ITGA9: variants seen among roughly 807,000 people sequenced by gnomAD.
ITGA9 encodes the protein integrin alpha-9.
In ITGA9, 56 loss-of-function variants were observed where a neutral mutation model predicts 127.8. The observed-to-expected ratio is 0.44, with a 90% CI of 0.35 to 0.55. The LOEUF (loss-of-function observed/expected upper bound fraction) is 0.55. Ranked by LOEUF, ITGA9 falls within the 20% of genes least tolerant of loss-of-function variation. The probability of loss-of-function intolerance (pLI) is 0.00; values close to 1 mark genes in which losing one functional copy is unlikely to be tolerated. For missense variants in ITGA9, 1,196 were observed against 1,347.1 expected, an observed-to-expected ratio of 0.89 and a Z score of 1.76; for synonymous variants, 508 against 514.5, an observed-to-expected ratio of 0.99 and a Z score of 0.17.
At chr3:37,704,823 G>T (rs907880928) in intron 18 of ITGA9, among the ~76,000 whole-genome samples, 2 of 152,214 alleles carry the variant, frequency 1.3e-5, no homozygotes, top group East Asian at 3.8e-4. Context: ...TTCCTAGTGT[G>T]CAGAGTACAA....
intron 15 of ITGA9, among the ~76,000 whole-genome samples, chr3:37,566,750 C>T (rs992200700): frequency 2.6e-5 from 4 of 152,180 alleles, no homozygotes; most frequent in Non-Finnish European, 5.9e-5. Context: ...TTGACTGTCT[C>T]ATGAAATAGT....
In ITGA9 at chr3:37,452,901, T is replaced by C. The variant is rs1559510276; in HGVS notation, c.185+342T>C. 6.6e-6 allele frequency among the ~76,000 whole-genome samples: 1 copy of C among 152,058 alleles called. No individual in the cohort carries two copies. The highest frequency in any genetic ancestry group is 2.1e-4 in the South Asian group (1 of 4,830). ...TCTCTGAATCGAAAAGTAACTTGGC[T>C]CCTCTGCCTCCGGGCGGCCGCCGCT... is the stretch of plus-strand genomic sequence containing the variant. On this transcript the variant is annotated intron_variant, in intron 1 of 27. Coordinates refer to ENST00000264741, the MANE Select transcript of ITGA9 (RefSeq NM_002207.3). This position sits in a 1 kb window ranked among gnomAD's most constrained non-coding sequence, Gnocchi z 7.3.
chr3:37,544,877 A>C (rs1165118345), intron 15 of ITGA9, among the ~76,000 whole-genome samples: 3 of 152,270 alleles, frequency 2.0e-5, no homozygotes, highest in Non-Finnish European at 4.4e-5. Context: ...CTGATACTTT[A>C]TAGCCATACT....
intron 1 of ITGA9, among the ~76,000 whole-genome samples, chr3:37,463,596 C>T (rs1385570874): frequency 1.3e-5 from 2 of 152,180 alleles, no homozygotes; most frequent in African/African-American, 2.4e-5. Context: ...AAACCATGCC[C>T]CTCTGCCACA....
chr3:37,466,660 C>T (rs73826549), intron 1 of ITGA9, among the ~76,000 whole-genome samples: 3,414 of 152,192 alleles, frequency 0.022, 125 homozygotes, highest in African/African-American at 0.077. Context: ...CTTAAACTAT[C>T]AATCACCTGG....
chr3:37,750,540 G>A lies in ITGA9; in HGVS notation c.2512G>A (p.Ala838Thr), dbSNP rs375551889. The A allele has an allele frequency of 4.3e-6, 7 of 1,612,890 alleles. No individual in the cohort carries two copies. The African/African-American group carries it at 9.3e-5, about 22-fold the overall frequency. Residue 838 changes from alanine to threonine, a missense_variant, in exon 23 of 28, where the codon GCA becomes ACA. Ala to Thr is a moderately conservative substitution (Grantham distance 58). Coordinates refer to ENST00000264741, the MANE Select transcript of ITGA9 (RefSeq NM_002207.3). ...CCCTAATCGACTCTCATCTGGTGGT[G>A]CAGAGATGTTTCATGTCCAGGAAAT... ...SFPNRLSSGGAEMFHVQEMVV... is the reference protein window; with the variant it reads ...SFPNRLSSGGTEMFHVQEMVV...
intron 16 of ITGA9, among the ~76,000 whole-genome samples, chr3:37,650,606 A>G (rs1700420507): frequency 6.6e-6 from 1 of 151,760 alleles, no homozygotes; most frequent in African/African-American, 2.4e-5. Flanking sequence ...TAATTTTTGC[A>G]TTTTTAGTAG....
intron 5 of ITGA9, among the ~76,000 whole-genome samples, chr3:37,500,747 C>G (rs1402325258): frequency 6.6e-6 from 1 of 152,220 alleles, no homozygotes; most frequent in African/African-American, 2.4e-5. Context: ...GGGCTCGTCT[C>G]TGCAGAGGGA....
chr3:37,472,479 A>G (rs1306377963), intron 2 of ITGA9, among the ~76,000 whole-genome samples: 1 of 152,076 alleles, frequency 6.6e-6, no homozygotes, highest in African/African-American at 2.4e-5. Context: ...GCTCACTGCA[A>G]CCTCTGCCTC....
At chr3:37,595,504 C>T (rs1020840018) in intron 15 of ITGA9, among the ~76,000 whole-genome samples, 21 of 152,288 alleles carry the variant, frequency 1.4e-4, no homozygotes, top group Non-Finnish European at 2.5e-4. Flanking sequence ...CAGAAAATGC[C>T]GGAACAGCAT....
At chr3:37,461,947 A>T (rs866606803) in intron 1 of ITGA9, among the ~76,000 whole-genome samples, 1 of 152,194 alleles carries the variant, frequency 6.6e-6, no homozygotes, top group Non-Finnish European at 1.5e-5. Flanking sequence ...CAGTTCCAGG[A>T]TGGGATACTT....
At chr3:37,741,283 C>G (rs2095215205) in intron 20 of ITGA9, among the ~76,000 whole-genome samples, 1 of 151,188 alleles carries the variant, frequency 6.6e-6, no homozygotes, top group African/African-American at 2.4e-5. Context: ...CCACCCCACC[C>G]CCACCCCCAG....
chr3:37,641,305 C>T (rs1402548936), intron 16 of ITGA9, among the ~76,000 whole-genome samples: 1 of 152,154 alleles, frequency 6.6e-6, no homozygotes, highest in Non-Finnish European at 1.5e-5. Flanking sequence ...GCCCCCTCCA[C>T]CGCCCGTTCA....
intron 15 of ITGA9, among the ~76,000 whole-genome samples, chr3:37,604,584 C>T (rs954815471): frequency 1.3e-5 from 2 of 152,172 alleles, no homozygotes; most frequent in African/African-American, 4.8e-5. Context: ...CACTGAGGGC[C>T]TTGTGTTGCT....
intron 5 of ITGA9, among the ~76,000 whole-genome samples, chr3:37,495,422 C>T (rs999978843): frequency 2.6e-5 from 4 of 152,206 alleles, no homozygotes; most frequent in African/African-American, 4.8e-5. Context: ...GTTTGCCCTT[C>T]GTATCAGTTC....
In ITGA9 at chr3:37,744,020, A is replaced by G. The variant is rs1243507939; in HGVS notation, c.2419A>G (p.Asn807Asp). 1 of 1,612,986 alleles carries G rather than the reference A, an allele frequency of 6.2e-7. No homozygotes were observed. The highest frequency in any genetic ancestry group is 1.7e-5 in the Admixed American group (1 of 60,020). The change falls in exon 22 of 28, where the codon AAT becomes GAT. Residue 807 changes from asparagine to aspartate, a missense_variant. Physicochemically the swap from Asn to Asp is conservative, Grantham distance 23 (BLOSUM62 1). Coordinates refer to ENST00000264741, the MANE Select transcript of ITGA9 (RefSeq NM_002207.3). ...CCTGGAGTGTCACTTTCAGCCCATCAATATCACCCTTCAGGTACCCACTCC... is the reference window on the plus strand; with the variant it reads ...CCTGGAGTGTCACTTTCAGCCCATCGATATCACCCTTCAGGTACCCACTCC... ...DDLECHFQPI[N>D]ITLQVYNTGP...
At chr3:37,456,437 T>G (rs1698258566) in intron 1 of ITGA9, among the ~76,000 whole-genome samples, 1 of 152,170 alleles carries the variant, frequency 6.6e-6, no homozygotes, top group South Asian at 2.1e-4. Context: ...GTTACTCAGC[T>G]GCAGGGCTGA....
At chr3:37,517,702 AG>A in intron 10 of ITGA9, 93 bp downstream of exon 10, 1 of 899,178 alleles carries the variant, frequency 1.1e-6, no homozygotes, top group Non-Finnish European at 1.8e-6. Context: ...GTCCATCTCT[AG>A]TGGCATGCTC....
At chr3:37,645,487 C>A (rs1036103958) in intron 16 of ITGA9, among the ~76,000 whole-genome samples, 1 of 152,068 alleles carries the variant, frequency 6.6e-6, no homozygotes, top group African/African-American at 2.4e-5. Flanking sequence ...AGACTTGAAC[C>A]CAGGAGGTAG....
Sources: allele counts gnomAD v4.1 joint callset (sites outside exome capture counted in the v4.1 genomes callset), GRCh38; gene constraint gnomAD v4.1.1; non-coding constraint Gnocchi (gnomAD v3.1); transcripts MANE v1.5; gene names NCBI Gene and HGNC (gene_info 2026-07-23, HGNC 2026-07-21).